HDAC4: variants seen among roughly 807,000 people sequenced by gnomAD.
HDAC4 encodes histone deacetylase 4, also known as histone deacetylase A.
Under a neutral mutation model 135.1 loss-of-function variants are expected in HDAC4, and 16 were observed. The observed-to-expected ratio is 0.12, with a 90% CI of 0.08 to 0.18. The LOEUF (loss-of-function observed/expected upper bound fraction) is 0.18, where lower values mean the gene tolerates loss of function less well. Ranked by LOEUF, HDAC4 falls within the 10% of genes least tolerant of loss-of-function variation. The pLI is 1.00. For missense variants in HDAC4, 1,143 were observed against 1,511.8 expected, an observed-to-expected ratio of 0.76 and a Z score of 4.05; for synonymous variants, 685 against 653.4, an observed-to-expected ratio of 1.05 and a Z score of -0.74.
chr2:239,248,423 C>T (rs917075212), intron 2 of HDAC4, among the ~76,000 whole-genome samples: 2 of 152,060 alleles, frequency 1.3e-5, no homozygotes, highest in Non-Finnish European at 2.9e-5. Context: ...CCTCATGATC[C>T]GCAGCCTCAA....
intron 2 of HDAC4, among the ~76,000 whole-genome samples, chr2:239,255,238 T>C (rs2048986714): frequency 6.6e-6 from 1 of 152,094 alleles, no homozygotes; most frequent in Admixed American, 6.6e-5. Context: ...TACTGAATAT[T>C]CAATTAATAC....
At chr2:239,244,087 G>A (rs548410874) in intron 2 of HDAC4, among the ~76,000 whole-genome samples, 1 of 152,148 alleles carries the variant, frequency 6.6e-6, no homozygotes, top group Non-Finnish European at 1.5e-5. Context: ...ACTGAGCTGC[G>A]TGAACACCTA....
rs1457929165 is a variant in HDAC4, at chr2:239,313,236, T to C, written c.22+39442A>G. ...AGCCTGGCTTCTGCCTGAATTCATT[T>C]CATATTTTTAAATATGCTCTTAATG... On this transcript the variant is annotated intron_variant, in intron 2 of 26. Transcript: ENST00000543185. The surrounding 1 kb of genome is among the most constrained non-coding windows in gnomAD (Gnocchi z 5.1). Among the ~76,000 whole-genome samples, 1 of 152,222 alleles carries C rather than the reference T, an allele frequency of 6.6e-6. No individual in the cohort carries two copies. The highest frequency in any genetic ancestry group is 6.5e-5 in the Admixed American group (1 of 15,290).
At chr2:239,342,194 G>A (rs1219790707) in intron 2 of HDAC4, among the ~76,000 whole-genome samples, 2 of 151,638 alleles carry the variant, frequency 1.3e-5, no homozygotes, top group Non-Finnish European at 2.9e-5. Flanking sequence ...AATCTTCTAA[G>A]AAAATGGTCT....
intron 2 of HDAC4, among the ~76,000 whole-genome samples, chr2:239,238,581 C>A (rs1575492608): frequency 6.6e-6 from 1 of 152,176 alleles, no homozygotes; most frequent in African/African-American, 2.4e-5. Flanking sequence ...GTTTGGAAAC[C>A]AAGAAGCCCC....
intron 16 of HDAC4, among the ~76,000 whole-genome samples, chr2:239,101,401 A>ACTAGGAGTGCAGGTCT (rs1361865270): frequency 1.3e-5 from 2 of 152,148 alleles, no homozygotes; most frequent in Non-Finnish European, 2.9e-5. Flanking sequence ...CGCATGAAGG[A>ACTAGGAGTGCAGGTCT]CTAGGAGTGC....
intron 7 of HDAC4, among the ~76,000 whole-genome samples, chr2:239,151,212 C>T (rs1384993679): frequency 2.6e-5 from 4 of 152,214 alleles, no homozygotes; most frequent in East Asian, 1.9e-4. Context: ...GTACACAGGG[C>T]GAAAGCCATG....
At chr2:239,296,387 C>T (rs2051895324) in intron 2 of HDAC4, among the ~76,000 whole-genome samples, 4 of 152,224 alleles carry the variant, frequency 2.6e-5, no homozygotes. Context: ...TCCTGCAGCG[C>T]CCTGGCCCAG....
At chr2:239,080,073 TGAAC>T (rs79381972) in intron 22 of HDAC4, among the ~76,000 whole-genome samples, 14,860 of 150,342 alleles carry the variant, frequency 0.099, 974 homozygotes, top group Non-Finnish European at 0.14. Flanking sequence ...CACACACAGA[TGAAC>T]GAACACCCAC....
intron 6 of HDAC4, among the ~76,000 whole-genome samples, chr2:239,161,507 A>T (rs923182737): frequency 6.6e-6 from 1 of 152,166 alleles, no homozygotes; most frequent in African/African-American, 2.4e-5. Flanking sequence ...TTCCCTATGA[A>T]GAGCCGGTTT....
chr2:239,386,288 A>C (rs1424959784), intron 1 of HDAC4, among the ~76,000 whole-genome samples: 1 of 152,046 alleles, frequency 6.6e-6, no homozygotes, highest in African/African-American at 2.4e-5. Flanking sequence ...CAAATGCTCA[A>C]ACGGAATTAG....
intron 22 of HDAC4, among the ~76,000 whole-genome samples, chr2:239,078,437 A>G (rs921711135): frequency 3.3e-5 from 5 of 152,184 alleles, no homozygotes; most frequent in African/African-American, 1.2e-4. Flanking sequence ...AGCAGAAGAA[A>G]GGGGAAAACC....
chr2:239,094,935 C>A lies in HDAC4; in HGVS notation c.2280+75G>T, dbSNP rs764178675. On this transcript the variant is annotated intron_variant, in intron 17 of 26. Transcript: ENST00000543185. ...CAGCAATTATTCACTTTGAGGGAAG[C>A]AAGGCTGCGATTTCTGTGACCACTG... 3.7e-6 allele frequency: 6 copies of A among 1,610,984 alleles called. No individual in the cohort carries two copies. In the African/African-American group the frequency reaches 6.7e-5, roughly 18 times the overall value.
chr2:239,083,582 T>A (rs546316186), intron 20 of HDAC4, among the ~76,000 whole-genome samples: 1 of 152,234 alleles, frequency 6.6e-6, no homozygotes, highest in East Asian at 1.9e-4. Context: ...TTAAAAAGAG[T>A]AATAAGATGA....
chr2:239,357,786 G>C (rs907307360), intron 1 of HDAC4, among the ~76,000 whole-genome samples: 3 of 150,724 alleles, frequency 2.0e-5, no homozygotes, highest in Non-Finnish European at 2.9e-5. Flanking sequence ...CTACTCGGGA[G>C]GCTGAGGTGG....
At chr2:239,328,137 C>T (rs1043942920) in intron 2 of HDAC4, among the ~76,000 whole-genome samples, 1 of 152,214 alleles carries the variant, frequency 6.6e-6, no homozygotes, top group Non-Finnish European at 1.5e-5. Flanking sequence ...TTGCCAAATG[C>T]CTGAATCAGC....
At chr2:239,357,357 G>A (rs1213394360) in intron 1 of HDAC4, among the ~76,000 whole-genome samples, 1 of 151,862 alleles carries the variant, frequency 6.6e-6, no homozygotes, top group Non-Finnish European at 1.5e-5. Flanking sequence ...GGAAACATAA[G>A]TACCAAATGC....
intron 1 of HDAC4, among the ~76,000 whole-genome samples, chr2:239,375,491 A>G (rs959002714): frequency 6.6e-6 from 1 of 152,072 alleles, no homozygotes; most frequent in Non-Finnish European, 1.5e-5. Flanking sequence ...AGCGTCCTCC[A>G]TGCAGATTCA....
intron 5 of HDAC4, among the ~76,000 whole-genome samples, chr2:239,164,617 C>G (rs2043017817): frequency 1.3e-5 from 2 of 152,238 alleles, no homozygotes; most frequent in South Asian, 4.1e-4. Flanking sequence ...CCTCAGATCT[C>G]CAATCTAACC....
Sources: allele counts gnomAD v4.1 joint callset (sites outside exome capture counted in the v4.1 genomes callset), GRCh38; gene constraint gnomAD v4.1.1; non-coding constraint Gnocchi (gnomAD v3.1); transcripts MANE v1.5; gene names NCBI Gene and HGNC (gene_info 2026-07-23, HGNC 2026-07-21).